The following SOX5 variants were observed in gnomAD, a reference collection of about 807,000 sequenced individuals.
SOX5 encodes the protein SRY-box transcription factor 5.
Under a neutral mutation model 92.0 loss-of-function variants are expected in SOX5, and 9 were observed. The ratio of observed to expected loss-of-function variants is 0.10; its 90% CI spans 0.06 to 0.17. SOX5 has a LOEUF of 0.17. Ranked by LOEUF, SOX5 falls within the 10% of genes least tolerant of loss-of-function variation. The pLI is 1.00. For missense variants in SOX5, 642 were observed against 944.5 expected, an observed-to-expected ratio of 0.68 and a Z score of 4.20; for synonymous variants, 344 against 336.3, an observed-to-expected ratio of 1.02 and a Z score of -0.25.
intron 4 of SOX5, among the ~76,000 whole-genome samples, chr12:24,159,059 G>T (rs10842286): frequency 0.89 from 135,652 of 151,882 alleles, 60,745 homozygotes; most frequent in East Asian, 0.99. Context: ...TATGATGTGT[G>T]TTGGCATGAA....
At chr12:24,057,426 A>T (rs1349164754) in intron 4 of SOX5, among the ~76,000 whole-genome samples, 1 of 152,226 alleles carries the variant, frequency 6.6e-6, no homozygotes, top group African/African-American at 2.4e-5. Context: ...ACATGCTAGC[A>T]AGTTAATATT....
intron 1 of SOX5, among the ~76,000 whole-genome samples, chr12:24,558,195 TAGCTTATG>T (rs1566466828): frequency 2.6e-5 from 4 of 152,128 alleles, no homozygotes; most frequent in Non-Finnish European, 4.4e-5. Flanking sequence ...TTAAAATAAT[TAGCTTATG>T]AGCCAGAGGT....
intron 1 of SOX5, among the ~76,000 whole-genome samples, chr12:24,475,584 T>C (rs1165020703): frequency 6.6e-6 from 1 of 152,226 alleles, no homozygotes; most frequent in African/African-American, 2.4e-5. Context: ...TTCATCACTG[T>C]ACTGGAACAA....
At chr12:24,297,071 G>A (rs1947352135) in intron 2 of SOX5, among the ~76,000 whole-genome samples, 1 of 152,148 alleles carries the variant, frequency 6.6e-6, no homozygotes, top group Admixed American at 6.5e-5. Flanking sequence ...CATGACGGTA[G>A]TTATGCTAAG....
intron 1 of SOX5, among the ~76,000 whole-genome samples, chr12:24,423,099 A>G (rs140138757): frequency 6.6e-6 from 1 of 152,360 alleles, no homozygotes; most frequent in Non-Finnish European, 1.5e-5. Context: ...AATTATGGCT[A>G]ATATCAGAAG....
intron 4 of SOX5, among the ~76,000 whole-genome samples, chr12:24,095,879 T>C (rs1020875434): frequency 2.0e-5 from 3 of 152,194 alleles, no homozygotes; most frequent in African/African-American, 7.2e-5. Flanking sequence ...CTTTCTGCCA[T>C]GATTGTAAGT....
At chr12:23,590,899 T>C (rs1012378432) in intron 9 of SOX5, among the ~76,000 whole-genome samples, 20 of 152,178 alleles carry the variant, frequency 1.3e-4, no homozygotes, top group African/African-American at 4.6e-4. Context: ...ACGTGTCTCT[T>C]TCCCAAGGAA....
intron 11 of SOX5, among the ~76,000 whole-genome samples, chr12:23,550,502 C>A (rs980926213): frequency 1.3e-5 from 2 of 151,824 alleles, no homozygotes; most frequent in Admixed American, 1.3e-4. Context: ...GGGAATCTAA[C>A]ATGTGAGAAT....
chr12:24,411,201 C>CTT (rs927359399), intron 1 of SOX5, among the ~76,000 whole-genome samples: 1 of 144,860 alleles, frequency 6.9e-6, no homozygotes, highest in Non-Finnish European at 1.5e-5. Flanking sequence ...TTTTTCTTTT[C>CTT]TTTTTTTTTT....
At chr12:23,944,366 A>G (rs1054866574) in intron 1 of SOX5, 2 of 152,092 alleles carry the variant, frequency 1.3e-5, no homozygotes, top group African/African-American at 4.8e-5. Context: ...GGAGAAATGC[A>G]ACACCCCCCT....
chr12:24,040,369 A>G (rs547244361), intron 4 of SOX5, among the ~76,000 whole-genome samples: 5 of 152,340 alleles, frequency 3.3e-5, no homozygotes, highest in African/African-American at 1.2e-4. Context: ...TCACAAATTT[A>G]CCACTTATAA....
At chr12:24,238,523 T>C (rs544206930) in intron 3 of SOX5, among the ~76,000 whole-genome samples, 580 of 152,248 alleles carry the variant, frequency 3.8e-3, no homozygotes, top group Non-Finnish European at 6.2e-3. Context: ...CAGCTTATTT[T>C]TTGTTGTATT....
intron 4 of SOX5, among the ~76,000 whole-genome samples, chr12:24,096,667 A>G (rs1176348796): frequency 6.6e-6 from 1 of 152,212 alleles, no homozygotes; most frequent in Non-Finnish European, 1.5e-5. Context: ...ATTACATTGT[A>G]TATTACACTG....
chr12:24,003,877 C>G (rs940965123), intron 4 of SOX5, among the ~76,000 whole-genome samples: 1 of 151,670 alleles, frequency 6.6e-6, no homozygotes, highest in Non-Finnish European at 1.5e-5. Context: ...GGAGGTCATA[C>G]ACTTTTTTAT....
At chr12:24,367,747 C>T (rs1366369125) in intron 2 of SOX5, among the ~76,000 whole-genome samples, 1 of 152,114 alleles carries the variant, frequency 6.6e-6, no homozygotes, top group Admixed American at 6.5e-5. Flanking sequence ...TCAATCTAAA[C>T]AGTGTATTAA....
intron 1 of SOX5, among the ~76,000 whole-genome samples, chr12:24,520,014 T>A: frequency 6.7e-6 from 1 of 149,544 alleles, no homozygotes; most frequent in Non-Finnish European, 1.5e-5. Context: ...CAGGAGAGAG[T>A]GAAACAATAT....
chr12:24,053,829 G>T (rs1475567525), intron 4 of SOX5, among the ~76,000 whole-genome samples: 1 of 152,076 alleles, frequency 6.6e-6, no homozygotes, highest in Non-Finnish European at 1.5e-5. Context: ...TTTGTACTAG[G>T]TACTTTATGT....
At chr12:23,762,250 A>T (rs1275713572) in intron 3 of SOX5, among the ~76,000 whole-genome samples, 2 of 152,058 alleles carry the variant, frequency 1.3e-5, no homozygotes, top group African/African-American at 4.8e-5. Flanking sequence ...ATATCAAAAA[A>T]TAACCTGGGC....
chr12:23,657,774 A>G (rs1389940853), intron 7 of SOX5, among the ~76,000 whole-genome samples: 1 of 152,208 alleles, frequency 6.6e-6, no homozygotes, highest in Non-Finnish European at 1.5e-5. Context: ...TTTGGCTGAC[A>G]GCACAGAGTG....
Sources: allele counts gnomAD v4.1 joint callset (sites outside exome capture counted in the v4.1 genomes callset), GRCh38; gene constraint gnomAD v4.1.1; transcripts MANE v1.5; gene names NCBI Gene and HGNC (gene_info 2026-07-23, HGNC 2026-07-21).